The following MTRES1 variants were observed in gnomAD, a reference collection of about 807,000 sequenced individuals.
The protein encoded by MTRES1 is mitochondrial transcription rescue factor 1, also known as uncharacterized protein C6orf203.
In MTRES1, 11 loss-of-function variants were observed where a neutral mutation model predicts 17.4. The observed-to-expected ratio is 0.63, with a 90% CI of 0.40 to 1.05. MTRES1 has a LOEUF of 1.05. Among genes scored for constraint, MTRES1 ranks in the 50% least tolerant of loss-of-function variants. The pLI, the probability that MTRES1 is intolerant of heterozygous loss-of-function variation, is 0.00. For synonymous variants in MTRES1, 94 were observed against 99.6 expected (o/e 0.94, Z 0.34); for missense variants, 268 against 276.2 (o/e 0.97, Z 0.21).
intron 3 of MTRES1, 121 bp from the exon 4 acceptor site, chr6:107,050,936 C>T: frequency 1.3e-6 from 1 of 795,106 alleles, no homozygotes; most frequent in Non-Finnish European, 2.1e-6. Context: ...AGGTCAGGGC[C>T]TTTACTCACC....
At chr6:107,047,850 C>T (rs561613373) in intron 3 of MTRES1, among the ~76,000 whole-genome samples, 5 of 152,092 alleles carry the variant, frequency 3.3e-5, no homozygotes, top group African/African-American at 9.6e-5. Context: ...CGCGCCATTG[C>T]ACTCCAGCCT....
At chr6:107,042,238 G>A (rs2114961143) in intron 2 of MTRES1, among the ~76,000 whole-genome samples, 1 of 150,598 alleles carries the variant, frequency 6.6e-6, no homozygotes, top group East Asian at 2.0e-4. Flanking sequence ...TACTTGGGAG[G>A]CTGAGGCAGG....
chr6:107,044,245 TTTTTTG>T lies in MTRES1; in HGVS notation c.471-10_471-5del. The stretch of plus-strand genomic sequence containing the variant: ...ACCCAAATTGTGTACATTGTTGCTT[TTTTTTG>T]TTTTGTAGCAAAGTGGAAGATGCTT... On this transcript the variant is annotated splice_polypyrimidine_tract_variant and intron_variant, in intron 2 of 3. Transcript: ENST00000311381. 1 of 1,612,142 alleles carries T rather than the reference TTTTTTG, an allele frequency of 6.2e-7. No homozygotes were observed. Among genetic ancestry groups the T allele is most frequent in the Non-Finnish European group, 8.5e-7 (1 of 1,178,422 alleles).
rs1344356870 is a variant in MTRES1, at chr6:107,040,043, A to G, written c.283A>G (p.Lys95Glu). The part of the protein sequence containing the change: ...KSNIRSTKST[K>E]KSLQKVDEED... ...TAATATAAGGTCTACAAAATCTACT[A>G]AAAAGTCTCTGCAAAAAGTAGATGA... is the stretch of plus-strand genomic sequence containing the variant. Residue 95 changes from lysine (K) to glutamate (E), a missense_variant, in exon 2 of 4, where the codon AAA (lysine) becomes GAA (glutamate). Coordinates refer to ENST00000311381, the MANE Select transcript of MTRES1 (RefSeq NM_016487.5). The G allele has an allele frequency of 3.1e-6, 5 of 1,613,134 alleles. No individual in the cohort carries two copies. Among genetic ancestry groups the G allele is most frequent in the Non-Finnish European group, 4.2e-6 (5 of 1,179,712 alleles).
Position 107,040,240 on chromosome 6 carries a change from A to G in MTRES1, c.470+10A>G, listed in dbSNP as rs989979029. On this transcript the variant is annotated intron_variant, in intron 2 of 3. Transcript: ENST00000311381. ...TAGATATTGGGAGAAAGTGAGTATG[A>G]TACGCATTTCATTATAAACTCGCTC... 7.6e-6 allele frequency: 12 copies of G among 1,569,980 alleles called. No homozygotes were observed. In the Admixed American group the frequency reaches 1.0e-4, roughly 14 times the overall value.
intron 2 of MTRES1, 63 bp downstream of exon 2, chr6:107,040,293 A>G: frequency 1.4e-6 from 2 of 1,428,844 alleles, no homozygotes; most frequent in Non-Finnish European, 9.4e-7. Flanking sequence ...ATATAGCATT[A>G]CAAATCACTT....
Position 107,051,038 on chromosome 6 carries a change from GTTTTC to G in MTRES1, c.544-14_544-10del, listed in dbSNP as rs3833659. ...TTTCCCGAAGTGTAACCAAGCCTCTGTTTTCTTTTAATTTTCAGGTGAAAGTGGGA... is the reference window on the plus strand; with the variant it reads ...TTTCCCGAAGTGTAACCAAGCCTCTGTTTTAATTTTCAGGTGAAAGTGGGA... On this transcript the variant is annotated splice_polypyrimidine_tract_variant and intron_variant, in intron 3 of 3. Coordinates refer to ENST00000311381, the MANE Select transcript of MTRES1 (RefSeq NM_016487.5). 0.58 allele frequency: 922,991 copies of G among 1,592,174 alleles called. 276,859 individuals carry two copies. The highest frequency in any genetic ancestry group is 0.63 in the Middle Eastern group (3,760 of 5,978).
chr6:107,051,201 A>C lies in MTRES1; in HGVS notation c.688A>C (p.Ser230Arg), dbSNP rs782071029. The change falls in exon 4 of 4, where the codon AGT (serine) becomes CGT (arginine). Residue 230 changes from serine to arginine, a missense_variant. Ser to Arg is a moderately radical substitution (Grantham distance 110). Transcript: ENST00000311381. ...KYRVVLRRWK[S>R]LKLPKKRMSK The stretch of plus-strand genomic sequence containing the variant: ...CAGAGTGGTGTTACGGCGGTGGAAA[A>C]GTTTAAAGTTGCCTAAGAAGAGAAT... The C allele has an allele frequency of 6.2e-7, 1 of 1,613,942 alleles. No individual in the cohort carries two copies. Among genetic ancestry groups the C allele is most frequent in the Non-Finnish European group, 8.5e-7 (1 of 1,179,976 alleles).
intron 3 of MTRES1, among the ~76,000 whole-genome samples, chr6:107,048,778 CAAAAAAAAAA>C (rs10599769): frequency 9.7e-5 from 11 of 112,916 alleles, no homozygotes; most frequent in African/African-American, 3.8e-4. Flanking sequence ...GACTCCATGT[CAAAAAAAAAA>C]AAAAAAGAAA....
chr6:107,038,911 G>A (rs1774093674), intron 1 of MTRES1, among the ~76,000 whole-genome samples: 1 of 151,968 alleles, frequency 6.6e-6, no homozygotes, highest in East Asian at 1.9e-4. Context: ...AAAATTAGCT[G>A]GACGTGGTGG....
At chr6:107,050,669 C>T (rs560353412) in intron 3 of MTRES1, among the ~76,000 whole-genome samples, 15 of 150,284 alleles carry the variant, frequency 1.0e-4, no homozygotes, top group African/African-American at 1.5e-4. Context: ...CTCTACTTCC[C>T]GGGTCCAAGC....
chr6:107,028,472 T>G (rs56352510), intron 1 of MTRES1: 9,026 of 152,430 alleles, frequency 0.059, 533 homozygotes, highest in African/African-American at 0.15. Context: ...TCCTGCCTCC[T>G]GTCGCTCCTG....
intron 1 of MTRES1, among the ~76,000 whole-genome samples, chr6:107,033,643 C>T (rs1167526285): frequency 6.6e-6 from 1 of 151,970 alleles, no homozygotes; most frequent in Non-Finnish European, 1.5e-5. Context: ...ATGGTGAAAC[C>T]CCGTCTCTAC....
intron 1 of MTRES1, among the ~76,000 whole-genome samples, chr6:107,034,463 A>AC (rs1773940994): frequency 1.1e-4 from 2 of 18,490 alleles, no homozygotes; most frequent in Non-Finnish European, 5.4e-4. Flanking sequence ...ATTCCAGAAA[A>AC]AAAAAAGGAA....
At chr6:107,037,433 A>G (rs1178064141) in intron 1 of MTRES1, among the ~76,000 whole-genome samples, 1 of 151,490 alleles carries the variant, frequency 6.6e-6, no homozygotes, top group African/African-American at 2.4e-5. Flanking sequence ...CTGGTCTTGA[A>G]CTCCTCACCT....
chr6:107,037,373 G>A (rs1774047438), intron 1 of MTRES1, among the ~76,000 whole-genome samples: 1 of 151,908 alleles, frequency 6.6e-6, no homozygotes, highest in African/African-American at 2.4e-5. Context: ...CCTGGCTCCA[G>A]CTAATTTTCG....
Position 107,044,290 on chromosome 6 carries a change from A to C in MTRES1, c.501A>C (p.Glu167Asp). Residue 167 changes from glutamate to aspartate, a missense_variant, in exon 3 of 4, where the codon GAA (glutamate) becomes GAC (aspartate). Physicochemically the swap from Glu to Asp is conservative, Grantham distance 45 (BLOSUM62 2). Transcript: ENST00000311381. ...TGGAAGATGCTTTCTACAAAGGTGA[A>C]CTCAGGCTGAATGAGGAAAAATTAT... Reference protein sequence around the residue: ...NKVEDAFYKGELRLNEEKLWK... With the variant: ...NKVEDAFYKGDLRLNEEKLWK... 1 of 1,614,028 alleles carries C rather than the reference A, an allele frequency of 6.2e-7. No individual in the cohort carries two copies. The highest frequency in any genetic ancestry group is 8.5e-7 in the Non-Finnish European group (1 of 1,179,936).
chr6:107,042,646 G>A (rs1297666590), intron 2 of MTRES1, among the ~76,000 whole-genome samples: 1 of 152,208 alleles, frequency 6.6e-6, no homozygotes, highest in African/African-American at 2.4e-5. Context: ...CCCAGCCTCA[G>A]TACAAACTGG....
chr6:107,038,288 G>A (rs547123586), intron 1 of MTRES1, among the ~76,000 whole-genome samples: 1 of 152,264 alleles, frequency 6.6e-6, no homozygotes, highest in South Asian at 2.1e-4. Flanking sequence ...AAAGTCATTT[G>A]CAGACTCACG....
Sources: allele counts gnomAD v4.1 joint callset (sites outside exome capture counted in the v4.1 genomes callset), GRCh38; gene constraint gnomAD v4.1.1; transcripts MANE v1.5; gene names NCBI Gene and HGNC (gene_info 2026-07-23, HGNC 2026-07-21).